The following HERC5 variants were observed in gnomAD, a reference collection of about 807,000 sequenced individuals.
The protein encoded by HERC5 is E3 ISG15--protein ligase HERC5.
In HERC5, 99 loss-of-function variants were observed where a neutral mutation model predicts 119.6. The ratio of observed to expected loss-of-function variants is 0.83; its 90% CI spans 0.70 to 0.98. The LOEUF (loss-of-function observed/expected upper bound fraction) is 0.98. HERC5 is among the 50% of genes least tolerant of loss of function. HERC5 has a pLI of 0.00. For missense variants in HERC5, 1,267 were observed against 1,241.3 expected (o/e 1.02, Z -0.31); for synonymous variants, 478 against 445.9 (o/e 1.07, Z -0.91).
chr4:88,472,200 TTATGGTA>T (rs1740898401), intron 10 of HERC5, among the ~76,000 whole-genome samples: 1 of 152,120 alleles, frequency 6.6e-6, no homozygotes, highest in Non-Finnish European at 1.5e-5. Context: ...AGTTAAAGTC[TTATGGTA>T]TATACAGTTA....
chr4:88,459,340 T>C lies in HERC5; in HGVS notation c.266-7T>C, dbSNP rs752705019. 5 of 1,568,304 alleles carry C rather than the reference T, an allele frequency of 3.2e-6. No individual in the cohort carries two copies. The South Asian group carries it at 3.6e-5, about 11-fold the overall frequency. On this transcript the variant is annotated splice_polypyrimidine_tract_variant and splice_region_variant and intron_variant, in intron 1 of 22. Transcript: ENST00000264350. ...GACAATAGTTCCTGGTTGGATTTGC[T>C]CTGTAGAATGCATTAAATTAGGAAA... is the stretch of plus-strand genomic sequence containing the variant.
In HERC5 at chr4:88,504,461, T is replaced by G. The variant is rs755909096; in HGVS notation, c.2767-34T>G. 1.0e-5 allele frequency: 16 copies of G among 1,568,882 alleles called. No homozygotes were observed. In the South Asian group the frequency reaches 1.6e-4, roughly 16 times the overall value. The stretch of plus-strand genomic sequence containing the variant: ...TGATTAAATTCAGTTTTCCTTCCTA[T>G]TTCCTCAATAACTTTTTTTTGTATT... On this transcript the variant is annotated intron_variant, in intron 21 of 22. Coordinates refer to ENST00000264350, the MANE Select transcript of HERC5 (RefSeq NM_016323.4).
chr4:88,480,708 T>G (rs1741251227), intron 13 of HERC5, among the ~76,000 whole-genome samples: 1 of 152,216 alleles, frequency 6.6e-6, no homozygotes, highest in Non-Finnish European at 1.5e-5. Context: ...TGAAAATATT[T>G]TTGATAGGAA....
At chr4:88,468,464 A>G (rs764237686) in intron 8 of HERC5, 42 bp downstream of exon 8, 1 of 1,354,068 alleles carries the variant, frequency 7.4e-7, no homozygotes, top group South Asian at 1.3e-5. Flanking sequence ...TGGTATTTTA[A>G]GCAAAACTAA....
chr4:88,461,572 A>G (rs1384818042), intron 3 of HERC5, among the ~76,000 whole-genome samples: 1 of 152,180 alleles, frequency 6.6e-6, no homozygotes, highest in Non-Finnish European at 1.5e-5. Context: ...AGACTCTATT[A>G]GATATTGTCA....
chr4:88,473,609 T>C (rs1480733590), intron 11 of HERC5: 1 of 152,246 alleles, frequency 6.6e-6, no homozygotes, highest in Non-Finnish European at 1.5e-5. Flanking sequence ...CAACACTTAG[T>C]GCTGCCTGTA....
At chr4:88,494,037 C>A in intron 17 of HERC5, 128 bp from the exon 18 acceptor site, 1 of 525,998 alleles carries the variant, frequency 1.9e-6, no homozygotes, top group Non-Finnish European at 3.1e-6. Context: ...ACATTCTTAT[C>A]TCAGGCTTTA....
chr4:88,480,061 C>T (rs746527360), intron 13 of HERC5, among the ~76,000 whole-genome samples: 31 of 131,108 alleles, frequency 2.4e-4, no homozygotes, highest in Non-Finnish European at 3.3e-4. Flanking sequence ...AGCGAGACTC[C>T]GTCTCAAAAA....
In HERC5 at chr4:88,505,935, G is replaced by A; in HGVS notation, c.*57G>A. On this transcript the variant is annotated 3_prime_UTR_variant, in exon 23 of 23. Coordinates refer to ENST00000264350, the MANE Select transcript of HERC5 (RefSeq NM_016323.4). ...TGTTGTTATCGTTGTTGTTGTTGTT[G>A]TTGTTGTTGTTTCTCTACTTTGTTT... 1.5e-6 allele frequency: 2 copies of A among 1,359,604 alleles called. No individual in the cohort carries two copies. The highest frequency in any genetic ancestry group is 2.0e-6 in the Non-Finnish European group (2 of 980,150). The allele number at this position is 1,359,604 out of a possible 1,614,324, so 84.2% of individuals were successfully genotyped here.
intron 7 of HERC5, chr4:88,467,777 C>T (rs1222541345): frequency 2.7e-6 from 1 of 369,196 alleles, no homozygotes; most frequent in Non-Finnish European, 3.7e-6. Flanking sequence ...TGAACCCGTG[C>T]CCTTTATGAC....
intron 16 of HERC5, among the ~76,000 whole-genome samples, chr4:88,489,549 T>TG (rs1327825772): frequency 6.6e-6 from 1 of 152,042 alleles, no homozygotes; most frequent in African/African-American, 2.4e-5. Context: ...GCAGGCAAAG[T>TG]GGTTGTTCTC....
At chr4:88,475,790 C>G in intron 11 of HERC5, 51 bp from the exon 12 acceptor site, 1 of 1,471,848 alleles carries the variant, frequency 6.8e-7, no homozygotes, top group Non-Finnish European at 9.5e-7. Flanking sequence ...CAGTTGCACC[C>G]TGCTTCTACT....
At chr4:88,460,303 G>A (rs375932425) in intron 3 of HERC5, 132 bp downstream of exon 3, 3 of 460,804 alleles carry the variant, frequency 6.5e-6, no homozygotes, top group South Asian at 1.0e-4. Context: ...TTCCGAGTAC[G>A]ATTCTTAAAG....
rs759987670 is a variant in HERC5, at chr4:88,459,432, A to G, written c.351A>G (p.Lys117=). ...TGCTGATTCTCTCATCAGATGGAAA[A>G]CCATTTGAGTATGACAACTATAGCA... ...EHMLILSSDG[K]PFEYDNYSMK... is the part of the protein sequence containing the mutation. Residue 117 remains lysine, a synonymous_variant, in exon 2 of 23, where the codon AAA becomes AAG. Transcript: ENST00000264350. 39 of 1,590,068 alleles carry G rather than the reference A, an allele frequency of 2.5e-5. No homozygotes were observed. Among genetic ancestry groups the G allele is most frequent in the Non-Finnish European group, 3.3e-5 (39 of 1,168,552 alleles).
intron 18 of HERC5, among the ~76,000 whole-genome samples, chr4:88,498,083 T>C (rs1216012857): frequency 1.3e-5 from 2 of 151,854 alleles, no homozygotes; most frequent in African/African-American, 4.8e-5. Context: ...TGGCACAGAG[T>C]GCACAAGCTG....
intron 12 of HERC5, among the ~76,000 whole-genome samples, chr4:88,478,491 G>A (rs1054266012): frequency 6.6e-6 from 1 of 152,114 alleles, no homozygotes; most frequent in African/African-American, 2.4e-5. Context: ...AAGCAGATGT[G>A]TAGGATCAAC....
At chr4:88,468,270 G>A in intron 7 of HERC5, 76 bp from the exon 8 acceptor site, 7 of 991,324 alleles carry the variant, frequency 7.1e-6, no homozygotes, top group Non-Finnish European at 1.1e-5. Flanking sequence ...AGAAGAATCT[G>A]AAGTTATTTA....
intron 12 of HERC5, among the ~76,000 whole-genome samples, chr4:88,478,298 TTTG>T (rs1741154448): frequency 6.6e-6 from 1 of 152,196 alleles, no homozygotes; most frequent in Admixed American, 6.5e-5. Flanking sequence ...ACTAAAATAT[TTTG>T]TTATGTGTAT....
chr4:88,479,249 C>T, intron 12 of HERC5, 104 bp from the exon 13 acceptor site: 1 of 806,300 alleles, frequency 1.2e-6, no homozygotes, highest in South Asian at 2.3e-5. Context: ...CGTGCCACTG[C>T]ACTCCAGGCT....
Sources: allele counts gnomAD v4.1 joint callset (sites outside exome capture counted in the v4.1 genomes callset), GRCh38; gene constraint gnomAD v4.1.1; transcripts MANE v1.5; gene names NCBI Gene and HGNC (gene_info 2026-07-23, HGNC 2026-07-21).